The following TMEM121 variants were observed in gnomAD, a reference collection of about 807,000 sequenced individuals.
The protein encoded by TMEM121 is transmembrane protein 121A.
In TMEM121, 8 loss-of-function variants were observed where a neutral mutation model predicts 16.4. The observed-to-expected ratio is 0.49, with a 90% CI of 0.29 to 0.88. TMEM121 has a LOEUF of 0.88. TMEM121 is among the 40% of genes least tolerant of loss of function. The pLI is 0.09. For synonymous variants in TMEM121, 235 were observed against 226.2 expected (o/e 1.04, Z -0.35); for missense variants, 401 against 462.0 (o/e 0.87, Z 1.21).
rs1473723834 is a variant in TMEM121 at position 105,529,243 on chromosome 14, G to A, written c.409G>A (p.Val137Met). Residue 137 changes from valine to methionine, a missense_variant, in exon 2 of 2, where the codon GTG (valine) becomes ATG (methionine). Coordinates refer to ENST00000392519, the MANE Select transcript of TMEM121 (RefSeq NM_025268.4). ...LLVALDRMEY[V>M]RTFRKREDLR... Reference sequence around the variant, plus strand: ...CGTGGCGCTGGACCGCATGGAGTACGTGCGCACCTTCCGCAAGCGCGAGGA... The same window carrying A: ...CGTGGCGCTGGACCGCATGGAGTACATGCGCACCTTCCGCAAGCGCGAGGA... 5 of 1,562,718 alleles carry A rather than the reference G, an allele frequency of 3.2e-6. No homozygotes were observed. Among genetic ancestry groups the A allele is most frequent in the Admixed American group, 1.9e-5 (1 of 53,072 alleles).
Position 105,529,619 on chromosome 14 carries a change from G to C in TMEM121, c.785G>C (p.Cys262Ser), listed in dbSNP as rs1423124153. 1 of 1,580,272 alleles carries C rather than the reference G, an allele frequency of 6.3e-7. No individual in the cohort carries two copies. The highest frequency in any genetic ancestry group is 1.3e-5 in the African/African-American group (1 of 74,686). Residue 262 changes from cysteine (C) to serine (S), a missense_variant, in exon 2 of 2, where the codon TGC becomes TCC. Cys to Ser is a moderately radical substitution (Grantham distance 112). Coordinates refer to ENST00000392519, the MANE Select transcript of TMEM121 (RefSeq NM_025268.4). The stretch of plus-strand genomic sequence containing the variant: ...GTGGTGGCGCTCGCCACCAAGGCCT[G>C]CACCTTCCTGGAGTACCGCCGCCAG... The part of the protein sequence containing the change: ...KNVVALATKA[C>S]TFLEYRRQVR...
In TMEM121 at chr14:105,529,015, G is replaced by A. The variant is rs782016444; in HGVS notation, c.181G>A (p.Val61Met). 2 of 1,612,114 alleles carry A rather than the reference G, an allele frequency of 1.2e-6. No individual in the cohort carries two copies. Among genetic ancestry groups the A allele is most frequent in the Non-Finnish European group, 1.7e-6 (2 of 1,179,710 alleles). Residue 61 changes from valine to methionine, a missense_variant, in exon 2 of 2, where the codon GTG (valine) becomes ATG (methionine). Transcript: ENST00000392519. ...CFLLVLRYVA[V>M]WVGAEVRTAK... ...CCTGCTGGTGCTGCGCTACGTGGCC[G>A]TGTGGGTGGGCGCCGAGGTGCGCAC... is the stretch of plus-strand genomic sequence containing the variant.
chr14:105,529,218 C>T lies in TMEM121; in HGVS notation c.384C>T (p.Leu128=), dbSNP rs782336971. ...GTGTGCCCGGCCTGTTCCTGCTGCTCGTGGCGCTGGACCGCATGGAGTACG... is the reference window on the plus strand; with the variant it reads ...GTGTGCCCGGCCTGTTCCTGCTGCTTGTGGCGCTGGACCGCATGGAGTACG... The part of the protein sequence containing the change: ...SVCVPGLFLL[L]VALDRMEYVR... Residue 128 remains leucine (L), a synonymous_variant, in exon 2 of 2, where the codon CTC becomes CTT. Coordinates refer to ENST00000392519, the MANE Select transcript of TMEM121 (RefSeq NM_025268.4). 38 of 1,575,696 alleles carry T rather than the reference C, an allele frequency of 2.4e-5. No individual in the cohort carries two copies. The highest frequency in any genetic ancestry group is 1.7e-4 in the Middle Eastern group (1 of 6,050).
At position 105,529,848 on chromosome 14, in the gene TMEM121, C is replaced by T; in HGVS notation, c.*54C>T. The T allele has an allele frequency of 7.3e-7, 1 of 1,363,822 alleles. No individual in the cohort carries two copies. The highest frequency in any genetic ancestry group is 2.9e-5 in the East Asian group (1 of 34,202). 84.5% of individuals were successfully genotyped at this position (1,363,822 alleles called of 1,614,324 possible). A position where few individuals can be genotyped will look rare whatever the true frequency, so the allele number is the denominator to read the frequency against. On this transcript the variant is annotated 3_prime_UTR_variant, in exon 2 of 2. Coordinates refer to ENST00000392519, the MANE Select transcript of TMEM121 (RefSeq NM_025268.4). ...CTGGGGCGCAGAGACACCGGGTTGGCTTGGGGCGCGCGGTTTGCATGGGAT... is the reference window on the plus strand; with the variant it reads ...CTGGGGCGCAGAGACACCGGGTTGGTTTGGGGCGCGCGGTTTGCATGGGAT...
chr14:105,529,694 C>G lies in TMEM121; in HGVS notation c.860C>G (p.Pro287Arg), dbSNP rs781969647. Residue 287 changes from proline (P) to arginine (R), a missense_variant, in exon 2 of 2, where the codon CCC (proline) becomes CGC (arginine). By Grantham distance (103) the Pro-to-Arg change is moderately radical (BLOSUM62 -2). Coordinates refer to ENST00000392519, the MANE Select transcript of TMEM121 (RefSeq NM_025268.4). ...CTATCACTGGAGCTGCAGCCGCCAC[C>G]CCCGCAGCGCAACTCGGTGCCGCCG... is the stretch of plus-strand genomic sequence containing the variant. ...PALSLELQPP[P>R]PQRNSVPPPP... The G allele has an allele frequency of 1.3e-6, 2 of 1,543,306 alleles. No individual in the cohort carries two copies. The highest frequency in any genetic ancestry group is 1.2e-5 in the South Asian group (1 of 84,694).
Position 105,529,507 on chromosome 14 carries a change from G to A in TMEM121, c.673G>A (p.Val225Ile), listed in dbSNP as rs781938902. 1.9e-6 allele frequency: 3 copies of A among 1,541,292 alleles called. No individual in the cohort carries two copies. The highest frequency in any genetic ancestry group is 1.2e-5 in the South Asian group (1 of 84,032). ...MLYPVLSLATVNVVAVLARAA... is the reference protein window; with the variant it reads ...MLYPVLSLATINVVAVLARAA... ...GTACCCGGTGCTCAGCCTCGCCACC[G>A]TCAATGTGGTGGCCGTGCTGGCGCG... Residue 225 changes from valine to isoleucine, a missense_variant, in exon 2 of 2, where the codon GTC (valine) becomes ATC (isoleucine). Physicochemically the swap from Val to Ile is conservative, Grantham distance 29. Transcript: ENST00000392519.
chr14:105,529,498 C>T lies in TMEM121; in HGVS notation c.664C>T (p.Leu222Phe), dbSNP rs1555444272. 1 of 1,542,122 alleles carries T rather than the reference C, an allele frequency of 6.5e-7. No individual in the cohort carries two copies. The change falls in exon 2 of 2, where the codon CTC becomes TTC. Residue 222 changes from leucine to phenylalanine, a missense_variant. Transcript: ENST00000392519. ...QKMMLYPVLS[L>F]ATVNVVAVLA... ...GATGATGCTGTACCCGGTGCTCAGC[C>T]TCGCCACCGTCAATGTGGTGGCCGT...
At position 105,529,110 on chromosome 14, in the gene TMEM121, C is replaced by T; in HGVS notation, c.276C>T (p.Phe92=). 6.2e-7 allele frequency: 1 copy of T among 1,611,094 alleles called. No homozygotes were observed. The highest frequency in any genetic ancestry group is 8.5e-7 in the Non-Finnish European group (1 of 1,179,708). ...TCGTGCTGGAGATCAAGCTCTACTTCATCTTCCAGAACTACAAGGCGGCGC... is the reference window on the plus strand; with the variant it reads ...TCGTGCTGGAGATCAAGCTCTACTTTATCTTCCAGAACTACAAGGCGGCGC... The part of the protein sequence containing the change: ...YIFVLEIKLY[F]IFQNYKAARR... Residue 92 remains phenylalanine (F), a synonymous_variant, in exon 2 of 2, where the codon TTC becomes TTT. Coordinates refer to ENST00000392519, the MANE Select transcript of TMEM121 (RefSeq NM_025268.4).
Position 105,529,049 on chromosome 14 carries a change from G to A in TMEM121, c.215G>A (p.Arg72His). The change falls in exon 2 of 2, where the codon CGC (arginine) becomes CAC (histidine). Residue 72 changes from arginine to histidine, a missense_variant. Physicochemically the swap from Arg to His is conservative, Grantham distance 29 (BLOSUM62 0). Coordinates refer to ENST00000392519, the MANE Select transcript of TMEM121 (RefSeq NM_025268.4). Reference sequence around the variant, plus strand: ...GGCGCCGAGGTGCGCACGGCCAAGCGCGGCTACGCCATGATCCTGTGGTTC... The same window carrying A: ...GGCGCCGAGGTGCGCACGGCCAAGCACGGCTACGCCATGATCCTGTGGTTC... Reference protein sequence around the residue: ...WVGAEVRTAKRGYAMILWFLY... With the variant: ...WVGAEVRTAKHGYAMILWFLY... 6.2e-7 allele frequency: 1 copy of A among 1,612,432 alleles called. No homozygotes were observed. Among genetic ancestry groups the A allele is most frequent in the Non-Finnish European group, 8.5e-7 (1 of 1,179,764 alleles).
chr14:105,529,767 G>A lies in TMEM121; in HGVS notation c.933G>A (p.Ser311=), dbSNP rs1555444374. The part of the protein sequence containing the change: ...HGPPGRPHMS[S]PTRDPLDT ...CGCCTGGGCGCCCCCACATGTCCTCGCCCACGCGTGACCCCCTGGACACGT... is the reference window on the plus strand; with the variant it reads ...CGCCTGGGCGCCCCCACATGTCCTCACCCACGCGTGACCCCCTGGACACGT... Residue 311 remains serine, a synonymous_variant, in exon 2 of 2, where the codon TCG becomes TCA. Transcript: ENST00000392519. 4.7e-6 allele frequency: 7 copies of A among 1,484,546 alleles called. No homozygotes were observed. The highest frequency in any genetic ancestry group is 5.3e-6 in the Non-Finnish European group (6 of 1,127,986). 92.0% of individuals were successfully genotyped at this position (1,484,546 alleles called of 1,614,324 possible). A position where few individuals can be genotyped will look rare whatever the true frequency, so the allele number is the denominator to read the frequency against.
In TMEM121 at chr14:105,529,856, G is replaced by A; in HGVS notation, c.*62G>A. 7.4e-7 allele frequency: 1 copy of A among 1,359,146 alleles called. No individual in the cohort carries two copies. The highest frequency in any genetic ancestry group is 1.8e-5 in the South Asian group (1 of 55,572). 84.2% of individuals were successfully genotyped at this position (1,359,146 alleles called of 1,614,324 possible). On this transcript the variant is annotated 3_prime_UTR_variant, in exon 2 of 2. Coordinates refer to ENST00000392519, the MANE Select transcript of TMEM121 (RefSeq NM_025268.4). ...CAGAGACACCGGGTTGGCTTGGGGC[G>A]CGCGGTTTGCATGGGATGGGGTGGG...
At chr14:105,528,506 A>C (rs2084607390) in intron 1 of TMEM121, 1 of 177,330 alleles carries the variant, frequency 5.6e-6, no homozygotes, top group Non-Finnish European at 1.2e-5. Context: ...GGCGGGAACG[A>C]GGCCCGGGTG....
chr14:105,528,851 C>G lies in TMEM121; in HGVS notation c.17C>G (p.Pro6Arg). 3 of 1,538,252 alleles carry G rather than the reference C, an allele frequency of 2.0e-6. No individual in the cohort carries two copies. Among genetic ancestry groups the G allele is most frequent in the Non-Finnish European group, 1.8e-6 (2 of 1,141,702 alleles). Residue 6 changes from proline to arginine, a missense_variant, in exon 2 of 2, where the codon CCG becomes CGG. Transcript: ENST00000392519. The stretch of plus-strand genomic sequence containing the variant: ...CGGCCGACCATGGTGCTGCCGCCCC[C>G]GGACCGGCGCCACGTGTGCCTGACC... MVLPP[P>R]DRRHVCLTTL...
In TMEM121 at chr14:105,528,848, C is replaced by T. The variant is rs1274009516; in HGVS notation, c.14C>T (p.Pro5Leu). The change falls in exon 2 of 2, where the codon CCC becomes CTC. Residue 5 changes from proline to leucine, a missense_variant. Transcript: ENST00000392519. Reference sequence around the variant, plus strand: ...CGGCGGCCGACCATGGTGCTGCCGCCCCCGGACCGGCGCCACGTGTGCCTG... The same window carrying T: ...CGGCGGCCGACCATGGTGCTGCCGCTCCCGGACCGGCGCCACGTGTGCCTG... MVLP[P>L]PDRRHVCLTT... 4 of 1,537,726 alleles carry T rather than the reference C, an allele frequency of 2.6e-6. No individual in the cohort carries two copies. In the East Asian group the frequency reaches 9.9e-5, roughly 38 times the overall value.
At position 105,529,610 on chromosome 14, in the gene TMEM121, C is replaced by T; in HGVS notation, c.776C>T (p.Thr259Ile). The change falls in exon 2 of 2, where the codon ACC (threonine) becomes ATC (isoleucine). Residue 259 changes from threonine to isoleucine, a missense_variant. Physicochemically the swap from Thr to Ile is moderately conservative, Grantham distance 89. Coordinates refer to ENST00000392519, the MANE Select transcript of TMEM121 (RefSeq NM_025268.4). ...GGCAAAAACGTGGTGGCGCTCGCCACCAAGGCCTGCACCTTCCTGGAGTAC... is the reference window on the plus strand; with the variant it reads ...GGCAAAAACGTGGTGGCGCTCGCCATCAAGGCCTGCACCTTCCTGGAGTAC... The part of the protein sequence containing the change: ...FVGKNVVALA[T>I]KACTFLEYRR... The T allele has an allele frequency of 3.2e-6, 5 of 1,578,422 alleles. No homozygotes were observed. The highest frequency in any genetic ancestry group is 4.3e-6 in the Non-Finnish European group (5 of 1,170,708).
chr14:105,528,659 G>A, intron 1 of TMEM121, 63 bp from the exon 2 acceptor site: 2 of 485,302 alleles, frequency 4.1e-6, no homozygotes. Flanking sequence ...TGCGGGGGGC[G>A]GGGGGTGTTG....
At position 105,528,771 on chromosome 14, in the gene TMEM121, GCAGGGCCTCGTCCCGC is replaced by G; in HGVS notation, c.-59_-44del. On this transcript the variant is annotated 5_prime_UTR_variant, in exon 2 of 2. Coordinates refer to ENST00000392519, the MANE Select transcript of TMEM121 (RefSeq NM_025268.4). ...GCGCCATGCCCGCTGGCTGAGCGCCGCAGGGCCTCGTCCCGCCAGGCGTGGGGGCCGCGCGCGCCCA... is the reference window on the plus strand; with the variant it reads ...GCGCCATGCCCGCTGGCTGAGCGCCGCAGGCGTGGGGGCCGCGCGCGCCCA... The G allele has an allele frequency of 8.1e-7, 1 of 1,230,884 alleles. No homozygotes were observed. The highest frequency in any genetic ancestry group is 1.0e-6 in the Non-Finnish European group (1 of 990,214). The allele number at this position is 1,230,884 out of a possible 1,614,324, so 76.2% of individuals were successfully genotyped here.
rs1445557177 is a variant in TMEM121, at chr14:105,530,143, G to C, written c.*349G>C. Reference sequence around the variant, plus strand: ...CGGTGGGGGCCTCTGGCTCAGATTTGGGGCCAAGGAGGCCTCTGTCATTTT... The same window carrying C: ...CGGTGGGGGCCTCTGGCTCAGATTTCGGGCCAAGGAGGCCTCTGTCATTTT... On this transcript the variant is annotated 3_prime_UTR_variant, in exon 2 of 2. Coordinates refer to ENST00000392519, the MANE Select transcript of TMEM121 (RefSeq NM_025268.4). 2 of 309,056 alleles carry C rather than the reference G, an allele frequency of 6.5e-6. No homozygotes were observed. Among genetic ancestry groups the C allele is most frequent in the Admixed American group, 5.2e-5 (1 of 19,092 alleles). The allele number at this position is 309,056 out of a possible 1,614,324, so 19.1% of individuals were successfully genotyped here. A position where few individuals can be genotyped will look rare whatever the true frequency, so the allele number is the denominator to read the frequency against.
rs895624821 is a variant in TMEM121 at position 105,529,740 on chromosome 14, C to G, written c.906C>G (p.Gly302=). Residue 302 remains glycine, a synonymous_variant, in exon 2 of 2, where the codon GGC becomes GGG. Transcript: ENST00000392519. ...SVPPPPPPLH[G]PPGRPHMSSP... is the part of the protein sequence containing the mutation. Reference sequence around the variant, plus strand: ...CGCCGCCGCCGCCGCCGCTGCACGGCCCGCCTGGGCGCCCCCACATGTCCT... The same window carrying G: ...CGCCGCCGCCGCCGCCGCTGCACGGGCCGCCTGGGCGCCCCCACATGTCCT... 2 of 1,508,130 alleles carry G rather than the reference C, an allele frequency of 1.3e-6. No homozygotes were observed. Among genetic ancestry groups the G allele is most frequent in the African/African-American group, 1.4e-5 (1 of 71,150 alleles). The allele number at this position is 1,508,130 out of a possible 1,614,324, so 93.4% of individuals were successfully genotyped here. A position where few individuals can be genotyped will look rare whatever the true frequency, so the allele number is the denominator to read the frequency against.
Sources: gnomAD v4.1 joint callset for allele counts on GRCh38, gnomAD v4.1.1 for gene constraint, MANE v1.5 for transcripts, NCBI Gene and HGNC (gene_info 2026-07-23, HGNC 2026-07-21) for gene names.